The following C1QTNF7 variants were observed in gnomAD, a reference collection of about 807,000 sequenced individuals.
The protein encoded by C1QTNF7 is C1q and TNF related 7.
Under a neutral mutation model 19.6 loss-of-function variants are expected in C1QTNF7, and 15 were observed. The observed-to-expected ratio is 0.76, with a 90% CI of 0.51 to 1.18. C1QTNF7 has a LOEUF of 1.18. C1QTNF7 is among the 50% of genes most tolerant of loss of function. The pLI, the probability that C1QTNF7 is intolerant of heterozygous loss-of-function variation, is 0.00. For synonymous variants in C1QTNF7, 142 were observed against 137.5 expected (o/e 1.03, Z -0.23); for missense variants, 324 against 359.7 (o/e 0.90, Z 0.80).
rs1020404919 is a variant in C1QTNF7 at position 15,442,168 on chromosome 4, G to C, written c.239G>C (p.Gly80Ala). ...ATCAAACTATATACTCTTTCTGAAG[G>C]TTTGAGAGGTAAGACTGGACCGCTA... ...KGEKGEKGTAGLRGKTGPLGL... is the reference protein window; with the variant it reads ...KGEKGEKGTAALRGKTGPLGL... Residue 80 changes from glycine (G) to alanine (A), a missense_variant and splice_region_variant, in exon 3 of 3, where the codon GGT becomes GCT. By Grantham distance (60) the Gly-to-Ala change is moderately conservative. Transcript: ENST00000444304. 6 of 1,595,150 alleles carry C rather than the reference G, an allele frequency of 3.8e-6. No homozygotes were observed. The Admixed American group carries it at 9.1e-5, about 24-fold the overall frequency.
At chr4:15,415,620 CATAT>C (rs35377968) in intron 1 of C1QTNF7, among the ~76,000 whole-genome samples, 1 of 146,846 alleles carries the variant, frequency 6.8e-6, no homozygotes, top group African/African-American at 2.5e-5. Context: ...TTATTTGATG[CATAT>C]ATATATATAT....
Position 15,444,137 on chromosome 4 carries a change from G to C in C1QTNF7, c.*1338G>C, listed in dbSNP as rs1712900278. ...AGTATTCCCTTTATCCCTCCCTTTT[G>C]GTAACTTCCAATCCTCCTTCTATGT... is the stretch of plus-strand genomic sequence containing the variant. On this transcript the variant is annotated 3_prime_UTR_variant, in exon 3 of 3. Coordinates refer to ENST00000444304, the MANE Select transcript of C1QTNF7 (RefSeq NM_031911.5). 1 of 151,772 alleles carries C rather than the reference G, an allele frequency of 6.6e-6. No individual in the cohort carries two copies. The allele number at this position is 151,772 out of a possible 1,614,324, so 9.4% of individuals were successfully genotyped here.
intron 2 of C1QTNF7, among the ~76,000 whole-genome samples, chr4:15,438,233 AC>A (rs1200811092): frequency 6.6e-6 from 1 of 152,242 alleles, no homozygotes; most frequent in African/African-American, 2.4e-5. Context: ...TTATTTAAAT[AC>A]AATATACACA....
intron 1 of C1QTNF7, among the ~76,000 whole-genome samples, chr4:15,363,617 G>A (rs1349598513): frequency 6.6e-6 from 1 of 152,048 alleles, no homozygotes; most frequent in Non-Finnish European, 1.5e-5. Flanking sequence ...GCCTTCACTA[G>A]CCACAAAGGC....
At chr4:15,345,119 C>T (rs1472866370) in intron 1 of C1QTNF7, among the ~76,000 whole-genome samples, 1 of 152,228 alleles carries the variant, frequency 6.6e-6, no homozygotes, top group African/African-American at 2.4e-5. Flanking sequence ...TTCTTGAAAT[C>T]AACATAAATC....
At chr4:15,425,285 T>C (rs1417515817), upstream of C1QTNF7, among the ~76,000 whole-genome samples, 1 of 152,154 alleles carries the variant, frequency 6.6e-6, no homozygotes, top group Non-Finnish European at 1.5e-5. Context: ...TAAGAGCCAG[T>C]GAGCTAAAGT....
chr4:15,440,486 C>T (rs921179715), intron 2 of C1QTNF7, among the ~76,000 whole-genome samples: 5 of 150,820 alleles, frequency 3.3e-5, no homozygotes, highest in Middle Eastern at 3.2e-3. Context: ...CGGCTCGCTG[C>T]AACCTCCGCC....
chr4:15,438,271 A>T (rs1712616001), intron 2 of C1QTNF7, among the ~76,000 whole-genome samples: 2 of 152,234 alleles, frequency 1.3e-5, no homozygotes, highest in Admixed American at 1.3e-4. Context: ...GCTCAGAAAG[A>T]AAAGGTAGGA....
At chr4:15,378,267 C>A (rs1471981475) in intron 1 of C1QTNF7, among the ~76,000 whole-genome samples, 1 of 152,202 alleles carries the variant, frequency 6.6e-6, no homozygotes, top group Non-Finnish European at 1.5e-5. Flanking sequence ...GGACACTAGA[C>A]AAGTCACTGA....
chr4:15,375,201 C>G (rs539825179), intron 1 of C1QTNF7, among the ~76,000 whole-genome samples: 2 of 152,046 alleles, frequency 1.3e-5, no homozygotes, highest in African/African-American at 4.8e-5. Flanking sequence ...TTTTGATACA[C>G]TGTAGGATTT....
At chr4:15,356,489 C>T (rs1665932471) in intron 1 of C1QTNF7, among the ~76,000 whole-genome samples, 1 of 152,154 alleles carries the variant, frequency 6.6e-6, no homozygotes, top group Non-Finnish European at 1.5e-5. Context: ...TTTCTTTATC[C>T]AGTCAATCAT....
exon 1 of C1QTNF7, chr4:15,340,135 A>G: frequency 6.5e-7 from 1 of 1,539,086 alleles, no homozygotes; most frequent in Non-Finnish European, 8.8e-7. Flanking sequence ...AGTTAACTAC[A>G]TTCATGGGAC....
Position 15,442,683 on chromosome 4 carries a change from A to G in C1QTNF7, c.754A>G (p.Thr252Ala), listed in dbSNP as rs751599902. Reference sequence around the variant, plus strand: ...TGAAGTCTGGCTGGAGATTTTCTTCACAGACCAGAATGGCCTCTTCTCAGA... The same window carrying G: ...TGAAGTCTGGCTGGAGATTTTCTTCGCAGACCAGAATGGCCTCTTCTCAGA... Reference protein sequence around the residue: ...EDEVWLEIFFTDQNGLFSDPG... With the variant: ...EDEVWLEIFFADQNGLFSDPG... The change falls in exon 3 of 3, where the codon ACA (threonine) becomes GCA (alanine). Residue 252 changes from threonine (T) to alanine (A), a missense_variant. Coordinates refer to ENST00000444304, the MANE Select transcript of C1QTNF7 (RefSeq NM_031911.5). 6.2e-7 allele frequency: 1 copy of G among 1,614,162 alleles called. No homozygotes were observed. Among genetic ancestry groups the G allele is most frequent in the South Asian group, 1.1e-5 (1 of 91,082 alleles).
chr4:15,368,439 A>G (rs1717606286), intron 1 of C1QTNF7, among the ~76,000 whole-genome samples: 1 of 148,552 alleles, frequency 6.7e-6, no homozygotes, highest in Non-Finnish European at 1.5e-5. Context: ...ATCCCTCCCC[A>G]CTCCCCCAAC....
chr4:15,428,398 T>G (rs1712150021), intron 1 of C1QTNF7, among the ~76,000 whole-genome samples: 1 of 151,966 alleles, frequency 6.6e-6, no homozygotes, highest in Non-Finnish European at 1.5e-5. Context: ...AATGTCAGGG[T>G]TTTTTTTAAT....
intron 1 of C1QTNF7, among the ~76,000 whole-genome samples, chr4:15,360,001 A>T (rs1051238724): frequency 2.6e-5 from 4 of 152,222 alleles, no homozygotes; most frequent in African/African-American, 9.6e-5. Context: ...GTCTAGGCAG[A>T]GTTAGACCTG....
At position 15,445,041 on chromosome 4, in the gene C1QTNF7, C is replaced by A. The variant is rs1262640884; in HGVS notation, c.*2242C>A. On this transcript the variant is annotated 3_prime_UTR_variant, in exon 3 of 3. Transcript: ENST00000444304. ...AAGGCTTGCTTTTCCTGTCTTTCAA[C>A]CCTATCTTGCTTTTCCTGTCTTTCA... 1 of 152,218 alleles carries A rather than the reference C, an allele frequency of 6.6e-6. No homozygotes were observed. Among genetic ancestry groups the A allele is most frequent in the Non-Finnish European group, 1.5e-5 (1 of 68,070 alleles). The allele number at this position is 152,218 out of a possible 1,614,324, so 9.4% of individuals were successfully genotyped here.
chr4:15,384,643 T>C (rs1429908238), intron 1 of C1QTNF7, among the ~76,000 whole-genome samples: 3 of 152,294 alleles, frequency 2.0e-5, no homozygotes, highest in Non-Finnish European at 4.4e-5. Flanking sequence ...GTTCAAGACA[T>C]GACAAATGAA....
chr4:15,355,829 T>C (rs1717125189), intron 1 of C1QTNF7, among the ~76,000 whole-genome samples: 2 of 152,148 alleles, frequency 1.3e-5, no homozygotes, highest in South Asian at 2.1e-4. Context: ...CCAAGCCCTC[T>C]GTAATGCTCA....
Sources: allele counts gnomAD v4.1 joint callset (sites outside exome capture counted in the v4.1 genomes callset), GRCh38; gene constraint gnomAD v4.1.1; transcripts MANE v1.5; gene names NCBI Gene and HGNC (gene_info 2026-07-23, HGNC 2026-07-21).